The following DHX15 variants were observed in gnomAD, a reference collection of about 807,000 sequenced individuals.
The protein encoded by DHX15 is ATP-dependent RNA helicase DHX15.
DHX15 carries 11 observed loss-of-function variants against 94.4 expected under a neutral mutation model. That is an observed-to-expected ratio of 0.12 (90% CI 0.07 to 0.19). The LOEUF is 0.19. Among genes scored for constraint, DHX15 ranks in the 10% least tolerant of loss-of-function variants. DHX15 has a pLI of 1.00. For synonymous variants in DHX15, 338 were observed against 329.9 expected, an observed-to-expected ratio of 1.02 and a Z score of -0.27; for missense variants, 304 against 988.5, an observed-to-expected ratio of 0.31 and a Z score of 9.29.
At chr4:24,539,534 T>A (rs1003409149) in intron 10 of DHX15, among the ~76,000 whole-genome samples, 3 of 152,190 alleles carry the variant, frequency 2.0e-5, no homozygotes, top group African/African-American at 4.8e-5. Flanking sequence ...ATATTAGGTA[T>A]GTTTCTTTTA....
rs80252258 is a variant in DHX15 at position 24,547,266 on chromosome 4, G to A, written c.1248+1589C>T. Among the ~76,000 whole-genome samples the A allele has an allele frequency of 5.6e-3, 857 of 152,330 alleles. 6 individuals carry two copies. The highest frequency in any genetic ancestry group is 0.02 in the African/African-American group (816 of 41,578). On this transcript the variant is annotated intron_variant, in intron 6 of 13. Coordinates refer to ENST00000336812, the MANE Select transcript of DHX15 (RefSeq NM_001358.3). ...TGGCAAAGTGGCAATATAGCCCCTA[G>A]TTTTGAATTATAAGCTCATGATCAG...
Position 24,547,864 on chromosome 4 carries a change from TC to T in DHX15, c.1248+990del, listed in dbSNP as rs2109401164. Among the ~76,000 whole-genome samples the T allele has an allele frequency of 5.1e-3, 2 of 390 alleles. 1 individual carries two copies. The highest frequency in any genetic ancestry group is 8.8e-3 in the African/African-American group (2 of 226). The allele number at this position is 390 out of a possible 152,430, so 0.3% of individuals were successfully genotyped here. A position where few individuals can be genotyped will look rare whatever the true frequency, so the allele number is the denominator to read the frequency against. ...TATAAATATTTAAGACATATATGTCTCTCTCTCTCTCTCTCTCTCTCTCTCT... is the reference window on the plus strand; with the variant it reads ...TATAAATATTTAAGACATATATGTCTTCTCTCTCTCTCTCTCTCTCTCTCT... On this transcript the variant is annotated intron_variant, in intron 6 of 13. Transcript: ENST00000336812.
intron 3 of DHX15, among the ~76,000 whole-genome samples, chr4:24,559,163 A>G (rs1721808173): frequency 6.6e-6 from 1 of 152,094 alleles, no homozygotes; most frequent in Non-Finnish European, 1.5e-5. Flanking sequence ...ACACAAAAGG[A>G]AAGCCACGTG....
At chr4:24,580,184 G>T (rs1390647492) in intron 1 of DHX15, among the ~76,000 whole-genome samples, 3 of 152,186 alleles carry the variant, frequency 2.0e-5, no homozygotes, top group Non-Finnish European at 4.4e-5. Flanking sequence ...CAAGTGGGAG[G>T]ATCACCAGAG....
chr4:24,568,550 G>A (rs1722046503), intron 3 of DHX15, among the ~76,000 whole-genome samples: 1 of 152,040 alleles, frequency 6.6e-6, no homozygotes, highest in African/African-American at 2.4e-5. Context: ...TCCCTATGAA[G>A]TGAACCAAAA....
chr4:24,527,899 A>G lies in DHX15; in HGVS notation c.*25T>C, dbSNP rs11551096. The G allele has an allele frequency of 4.6e-6, 7 of 1,537,640 alleles. No homozygotes were observed. Among genetic ancestry groups the G allele is most frequent in the Non-Finnish European group, 6.3e-6 (7 of 1,111,794 alleles). ...TTCATCTTTTAAAGCTGTCCTCTCA[A>G]TAACTTCAGTTCTAAGCACTGAATT... On this transcript the variant is annotated 3_prime_UTR_variant, in exon 14 of 14. Transcript: ENST00000336812.
intron 5 of DHX15, among the ~76,000 whole-genome samples, chr4:24,553,262 G>A (rs571684802): frequency 1.6e-4 from 25 of 151,684 alleles, no homozygotes; most frequent in Admixed American, 5.2e-4. Context: ...CAGAGGTTGC[G>A]GTGAGCCGAG....
chr4:24,553,232 A>G lies in DHX15; in HGVS notation c.1080+1493T>C, dbSNP rs543118049. ...GCTACTCGGAAGGCTGAGGCAGGAG[A>G]ATCACCTGAACCTGGGAGGCAGAGG... On this transcript the variant is annotated intron_variant, in intron 5 of 13. Coordinates refer to ENST00000336812, the MANE Select transcript of DHX15 (RefSeq NM_001358.3). Among the ~76,000 whole-genome samples the G allele has an allele frequency of 1.4e-3, 209 of 152,288 alleles. 1 individual carries two copies. The highest frequency in any genetic ancestry group is 2.7e-3 in the Admixed American group (42 of 15,308).
At position 24,537,230 on chromosome 4, in the gene DHX15, C is replaced by A; in HGVS notation, c.1787-57G>T. Reference sequence around the variant, plus strand: ...CGCCCATATCGATGAGTCACGCATTCACAGATAGAGGAACAAGGCCTAGCT... The same window carrying A: ...CGCCCATATCGATGAGTCACGCATTAACAGATAGAGGAACAAGGCCTAGCT... On this transcript the variant is annotated intron_variant, in intron 10 of 13. Coordinates refer to ENST00000336812, the MANE Select transcript of DHX15 (RefSeq NM_001358.3). The surrounding 1 kb of genome is among the most constrained non-coding windows in gnomAD (Gnocchi z 4.7). The A allele has an allele frequency of 6.2e-7, 1 of 1,606,908 alleles. No homozygotes were observed. The highest frequency in any genetic ancestry group is 1.1e-5 in the South Asian group (1 of 90,114).
At chr4:24,529,952 C>G in intron 12 of DHX15, 182 bp from the exon 13 acceptor site, 1 of 624,250 alleles carries the variant, frequency 1.6e-6, no homozygotes, top group East Asian at 2.8e-5. Flanking sequence ...AAATCCAACT[C>G]ATAGCCTCTA....
At chr4:24,539,396 T>C (rs903729057) in intron 10 of DHX15, among the ~76,000 whole-genome samples, 2 of 152,192 alleles carry the variant, frequency 1.3e-5, no homozygotes, top group Non-Finnish European at 2.9e-5. Flanking sequence ...CTTAACAATA[T>C]TTCTTCTCCT....
At position 24,544,315 on chromosome 4, in the gene DHX15, T is replaced by C. The variant is rs142241293; in HGVS notation, c.1249-1289A>G. 8.7e-3 allele frequency among the ~76,000 whole-genome samples: 1,323 copies of C among 152,294 alleles called. 24 individuals are homozygous for C. Among genetic ancestry groups the C allele is most frequent in the African/African-American group, 0.029 (1,225 of 41,548 alleles). On this transcript the variant is annotated intron_variant, in intron 6 of 13. Coordinates refer to ENST00000336812, the MANE Select transcript of DHX15 (RefSeq NM_001358.3). The stretch of plus-strand genomic sequence containing the variant: ...ATTTTCTGATTTCATATTTACTAAG[T>C]AGTAGACTTCCCAAAATACTAACAG...
intron 10 of DHX15, chr4:24,538,647 C>T (rs1177183976): frequency 1.3e-5 from 2 of 152,060 alleles, no homozygotes; most frequent in African/African-American, 2.4e-5. Flanking sequence ...TATAAATGGA[C>T]CATTTAAAAA....
At chr4:24,542,759 T>G (rs1475252782) in intron 7 of DHX15, among the ~76,000 whole-genome samples, 181 bp downstream of exon 7, 1 of 152,046 alleles carries the variant, frequency 6.6e-6, no homozygotes, top group East Asian at 1.9e-4. Context: ...GAATTACATA[T>G]TAAATACTGT....
chr4:24,542,575 T>A (rs1721334912), intron 7 of DHX15, among the ~76,000 whole-genome samples: 1 of 152,198 alleles, frequency 6.6e-6, no homozygotes, highest in South Asian at 2.1e-4. Flanking sequence ...ATAGTGTGCC[T>A]AGTTGACAGC....
At chr4:24,542,558 T>C (rs1721334797) in intron 7 of DHX15, among the ~76,000 whole-genome samples, 1 of 152,180 alleles carries the variant, frequency 6.6e-6, no homozygotes, top group South Asian at 2.1e-4. Flanking sequence ...CATAGTACTG[T>C]TTTCAAATAG....
chr4:24,555,670 C>G (rs1316086985), intron 4 of DHX15, among the ~76,000 whole-genome samples: 9 of 152,096 alleles, frequency 5.9e-5, no homozygotes, highest in African/African-American at 2.2e-4. Flanking sequence ...GAATAGTATA[C>G]ACACACAACA....
At chr4:24,530,620 A>G (rs1721060200) in intron 12 of DHX15, 1 of 152,024 alleles carries the variant, frequency 6.6e-6, no homozygotes, top group Non-Finnish European at 1.5e-5. Flanking sequence ...TAAGGTAGAA[A>G]ACTAAAGAGG....
At position 24,527,661 on chromosome 4, in the gene DHX15, TA is replaced by T. The variant is rs1720989494; in HGVS notation, c.*262del. On this transcript the variant is annotated 3_prime_UTR_variant, in exon 14 of 14. Coordinates refer to ENST00000336812, the MANE Select transcript of DHX15 (RefSeq NM_001358.3). The stretch of plus-strand genomic sequence containing the variant: ...TCAACCATTTCTAAAGAAATGCTTA[TA>T]ACATTGTTATATATAGAACTACTTT... 6.1e-6 allele frequency: 2 copies of T among 327,014 alleles called. No individual in the cohort carries two copies. Among genetic ancestry groups the T allele is most frequent in the Admixed American group, 4.4e-5 (1 of 22,764 alleles). 20.3% of individuals were successfully genotyped at this position (327,014 alleles called of 1,614,324 possible).
Sources: allele counts gnomAD v4.1 joint callset (sites outside exome capture counted in the v4.1 genomes callset), GRCh38; gene constraint gnomAD v4.1.1; non-coding constraint Gnocchi (gnomAD v3.1); transcripts MANE v1.5; gene names NCBI Gene and HGNC (gene_info 2026-07-23, HGNC 2026-07-21).